The following PI4KA variants were observed in gnomAD, a reference collection of about 807,000 sequenced individuals.
PI4KA encodes the protein phosphatidylinositol 4-kinase alpha, also known as PI4-kinase alpha.
Under a neutral mutation model 271.4 loss-of-function variants are expected in PI4KA, and 122 were observed. That is an observed-to-expected ratio of 0.45 (90% CI 0.39 to 0.52). PI4KA has a LOEUF of 0.52. Among genes scored for constraint, PI4KA ranks in the 20% least tolerant of loss-of-function variants. The pLI, the probability that PI4KA is intolerant of heterozygous loss-of-function variation, is 0.00. For synonymous variants in PI4KA, 1,041 were observed against 1,078.8 expected (o/e 0.96, Z 0.69); for missense variants, 1,969 against 2,769.1 (o/e 0.71, Z 6.48).
At chr22:20,746,038 CAAAAA>C (rs11330592) in intron 29 of PI4KA, among the ~76,000 whole-genome samples, 1 of 60,370 alleles carries the variant, frequency 1.7e-5, no homozygotes, top group Admixed American at 2.7e-4. Flanking sequence ...GGGGTTTCAT[CAAAAA>C]AAAAAAAAAA....
intron 1 of PI4KA, among the ~76,000 whole-genome samples, chr22:20,853,627 T>A (rs561400385): frequency 6.6e-6 from 1 of 152,212 alleles, no homozygotes; most frequent in African/African-American, 2.4e-5. Context: ...CTGAGGTGGG[T>A]TCCAATCCTG....
intron 43 of PI4KA, among the ~76,000 whole-genome samples, chr22:20,720,146 T>A (rs758404392): frequency 6.6e-6 from 1 of 151,956 alleles, no homozygotes; most frequent in Non-Finnish European, 1.5e-5. Flanking sequence ...CATAACTCAC[T>A]GGCCTATATT....
chr22:20,768,110 C>A (rs900953224), intron 19 of PI4KA, among the ~76,000 whole-genome samples: 5 of 152,136 alleles, frequency 3.3e-5, no homozygotes, highest in Non-Finnish European at 5.9e-5. Context: ...CAAAGGTGTT[C>A]CTCAATTCCC....
chr22:20,730,073 A>G (rs1927837100), intron 36 of PI4KA, 62 bp from the exon 37 acceptor site: 6 of 1,585,684 alleles, frequency 3.8e-6, no homozygotes, highest in Non-Finnish European at 5.2e-6. Flanking sequence ...ACCACAAAAA[A>G]TAAACTACTA....
chr22:20,747,811 T>G, intron 28 of PI4KA, 109 bp from the exon 29 acceptor site: 1 of 1,042,038 alleles, frequency 9.6e-7, no homozygotes, highest in Non-Finnish European at 1.4e-6. Context: ...CATGGCTCAT[T>G]GCAGCCTCGA....
intron 28 of PI4KA, among the ~76,000 whole-genome samples, chr22:20,748,034 C>G (rs1030211851): frequency 6.6e-6 from 1 of 152,196 alleles, no homozygotes. Context: ...CTGTGCCTGG[C>G]CTTGCTATTT....
intron 52 of PI4KA, 163 bp from the exon 53 acceptor site, chr22:20,710,160 G>T: frequency 1.5e-6 from 1 of 669,988 alleles, no homozygotes; most frequent in South Asian, 1.7e-5. Context: ...TCGATCTGCT[G>T]CACTTGGTAA....
At chr22:20,744,602 C>G (rs375570277) in intron 30 of PI4KA, 26 bp downstream of exon 30, 2 of 1,585,138 alleles carry the variant, frequency 1.3e-6, no homozygotes, top group African/African-American at 2.7e-5. Context: ...GTTAAAGGCC[C>G]TAGGGCGCAA....
intron 54 of PI4KA, among the ~76,000 whole-genome samples, chr22:20,708,783 C>G (rs1288489519): frequency 4.4e-5 from 5 of 112,824 alleles, no homozygotes; most frequent in Admixed American, 2.9e-4. Context: ...CCGGACCCCT[C>G]AAAGCCACCT....
At chr22:20,765,364 A>T in intron 20 of PI4KA, 128 bp from the exon 21 acceptor site, 2 of 1,033,490 alleles carry the variant, frequency 1.9e-6, no homozygotes, top group Middle Eastern at 3.3e-4. Flanking sequence ...ACAGAAACGA[A>T]GTCTGTTACC....
intron 7 of PI4KA, among the ~76,000 whole-genome samples, chr22:20,814,510 A>G (rs1440499489): frequency 6.6e-6 from 1 of 152,148 alleles, no homozygotes; most frequent in African/African-American, 2.4e-5. Flanking sequence ...AGAGTTTTCG[A>G]AGGCTGAGGT....
At chr22:20,844,967 G>A (rs1266784522) in intron 1 of PI4KA, among the ~76,000 whole-genome samples, 4 of 152,128 alleles carry the variant, frequency 2.6e-5, no homozygotes, top group Non-Finnish European at 5.9e-5. Context: ...TTTGTTTTTA[G>A]GGGTCTTAGG....
chr22:20,791,515 G>A (rs1460457348), intron 19 of PI4KA, among the ~76,000 whole-genome samples: 2 of 152,156 alleles, frequency 1.3e-5, no homozygotes, highest in Non-Finnish European at 2.9e-5. Flanking sequence ...CAGCACTAAG[G>A]GAGGCTGAAG....
At position 20,713,328 on chromosome 22, in the gene PI4KA, T is replaced by A; in HGVS notation, c.5524A>T (p.Ile1842Phe). ...CSTQEADGQK[I>F]SWQAAIFKVG... ...TTGAAGATGGCTGCCTGCCAGGAGA[T>A]CTTCTGGCCGTCGGCCTCCTGCGTG... Residue 1842 changes from isoleucine to phenylalanine, a missense_variant, in exon 48 of 55, where the codon ATC becomes TTC. Ile to Phe is a conservative substitution (Grantham distance 21). Transcript: ENST00000255882. 1 of 1,600,434 alleles carries A rather than the reference T, an allele frequency of 6.2e-7. No individual in the cohort carries two copies. Among genetic ancestry groups the A allele is most frequent in the South Asian group, 1.1e-5 (1 of 88,970 alleles).
chr22:20,831,637 T>G (rs1324118819), intron 3 of PI4KA, among the ~76,000 whole-genome samples: 1 of 152,006 alleles, frequency 6.6e-6, no homozygotes, highest in Non-Finnish European at 1.5e-5. Context: ...AAAGGCTGAA[T>G]GTAGGCCTCC....
At chr22:20,733,660 G>A in intron 35 of PI4KA, 76 bp downstream of exon 35, 2 of 1,611,920 alleles carry the variant, frequency 1.2e-6, no homozygotes, top group Non-Finnish European at 1.7e-6. Flanking sequence ...GTGACTTCCT[G>A]GGGGTTTGGG....
intron 8 of PI4KA, 146 bp from the exon 9 acceptor site, chr22:20,811,178 T>C (rs980790083): frequency 3.0e-6 from 2 of 672,924 alleles, no homozygotes; most frequent in Admixed American, 2.3e-5. Flanking sequence ...TGGCTATGTA[T>C]CAAACTATAT....
rs561794997 is a variant in PI4KA at position 20,776,309 on chromosome 22, G to C, written c.2329-10616C>G. Among the ~76,000 whole-genome samples the C allele has an allele frequency of 5.3e-5, 8 of 152,256 alleles. No individual in the cohort carries two copies. The East Asian group carries it at 1.5e-3, about 29-fold the overall frequency. On this transcript the variant is annotated intron_variant, in intron 19 of 54. Transcript: ENST00000255882. ...ACTGCACTCCAGCCTGGGTGACAGA[G>C]TGAGACCCCGCCGTCTCAAAATAAA...
intron 22 of PI4KA, among the ~76,000 whole-genome samples, chr22:20,763,553 C>A (rs2147389477): frequency 6.6e-6 from 1 of 152,160 alleles, no homozygotes; most frequent in South Asian, 2.1e-4. Context: ...CATTCTCCTG[C>A]CTCAGCCTCC....
Sources: allele counts gnomAD v4.1 joint callset (sites outside exome capture counted in the v4.1 genomes callset), GRCh38; gene constraint gnomAD v4.1.1; transcripts MANE v1.5; gene names NCBI Gene and HGNC (gene_info 2026-07-23, HGNC 2026-07-21).